The following RGS6 variants were observed in gnomAD, a reference collection of about 807,000 sequenced individuals.
RGS6 encodes the protein regulator of G-protein signaling 6.
In RGS6, 30 loss-of-function variants were observed where a neutral mutation model predicts 78.5. That is an observed-to-expected ratio of 0.38 (90% CI 0.29 to 0.52). The LOEUF is 0.52. Ranked by LOEUF, RGS6 falls within the 20% of genes least tolerant of loss-of-function variation. The pLI, the probability that RGS6 is intolerant of heterozygous loss-of-function variation, is 0.85. For synonymous variants in RGS6, 206 were observed against 206.0 expected, an observed-to-expected ratio of 1.00 and a Z score of 0.00; for missense variants, 495 against 609.7, an observed-to-expected ratio of 0.81 and a Z score of 1.98.
rs555009030 is a variant in RGS6, at chr14:72,284,404, T to A, written c.85-67691T>A. On this transcript the variant is annotated intron_variant, in intron 2 of 17. Transcript: ENST00000553525. Reference sequence around the variant, plus strand: ...CAGCTTAGGGACTTGGTGCCCGGCATCCTAGCCATTTTAGCCATGGCTAAA... The same window carrying A: ...CAGCTTAGGGACTTGGTGCCCGGCAACCTAGCCATTTTAGCCATGGCTAAA... Among the ~76,000 whole-genome samples, 10 of 152,316 alleles carry A rather than the reference T, an allele frequency of 6.6e-5. No homozygotes were observed. In the South Asian group the frequency reaches 2.1e-3, roughly 32 times the overall value.
chr14:72,016,444 C>G (rs1243259426), intron 2 of RGS6, among the ~76,000 whole-genome samples: 1 of 152,186 alleles, frequency 6.6e-6, no homozygotes, highest in Non-Finnish European at 1.5e-5. Context: ...CAGCTCACTG[C>G]AAGTGCTGCC....
chr14:71,886,974 AC>A, the RGS6 span, among the ~76,000 whole-genome samples: 1 of 152,086 alleles, frequency 6.6e-6, no homozygotes, highest in Admixed American at 6.5e-5. Context: ...ACATGGTGAA[AC>A]CCCATCTCTA....
intron 2 of RGS6, among the ~76,000 whole-genome samples, chr14:72,252,005 A>G (rs1047072202): frequency 6.6e-6 from 1 of 152,240 alleles, no homozygotes; most frequent in Non-Finnish European, 1.5e-5. Context: ...TTTATTCCCT[A>G]GATGAGCTAT....
intron 1 of RGS6, among the ~76,000 whole-genome samples, chr14:71,949,056 C>A (rs909553114): frequency 9.2e-5 from 14 of 152,076 alleles, no homozygotes; most frequent in African/African-American, 3.4e-4. Flanking sequence ...ATTCCACAAA[C>A]TATTCATCTA....
intron 1 of RGS6, among the ~76,000 whole-genome samples, chr14:71,961,441 C>G (rs368177142): frequency 2.7e-4 from 41 of 152,110 alleles, no homozygotes; most frequent in African/African-American, 9.2e-4. Flanking sequence ...ACCAGGACTC[C>G]TAGTTCAGAG....
chr14:72,535,440 A>G (rs1267986774), intron 15 of RGS6, among the ~76,000 whole-genome samples: 1 of 152,212 alleles, frequency 6.6e-6, no homozygotes, highest in African/African-American at 2.4e-5. Context: ...AGTTATAAGA[A>G]ATACTGTGCT....
At position 71,948,738 on chromosome 14, in the gene RGS6, C is replaced by CTTTTTTTTTTT. The variant is rs766352167; in HGVS notation, c.-21+15798_-21+15799insTTTTTTTTTTT. Among the ~76,000 whole-genome samples the CTTTTTTTTTTT allele has an allele frequency of 8.5e-4, 64 of 75,210 alleles. 10 individuals are homozygous for CTTTTTTTTTTT. Among genetic ancestry groups the CTTTTTTTTTTT allele is most frequent in the East Asian group, 4.7e-3 (10 of 2,128 alleles). 49.3% of individuals were successfully genotyped at this position (75,210 alleles called of 152,430 possible). ...AAGCTGATTTCCTTTCTCTCTCTCT[C>CTTTTTTTTTTT]TCTTTTTTTTTTTTTTTTTTTTTTT... is the stretch of plus-strand genomic sequence containing the variant. On this transcript the variant is annotated intron_variant, in intron 1 of 17. Coordinates refer to ENST00000553525, the MANE Select transcript of RGS6 (RefSeq NM_001204424.2).
chr14:72,458,484 C>T lies in RGS6; in HGVS notation c.342+107C>T, dbSNP rs1253932718. On this transcript the variant is annotated intron_variant, in intron 5 of 17. Transcript: ENST00000553525. ...TAGGGATATCTGAGGGAGTAGCCCT[C>T]ACTCCTCATCAGCACTGGGAAAGCC... 24 of 804,102 alleles carry T rather than the reference C, an allele frequency of 3.0e-5. No homozygotes were observed. In the East Asian group the frequency reaches 4.8e-4, roughly 16 times the overall value. 49.8% of individuals were successfully genotyped at this position (804,102 alleles called of 1,614,324 possible).
intron 2 of RGS6, among the ~76,000 whole-genome samples, chr14:72,109,130 TTC>T (rs2095697669): frequency 6.6e-6 from 1 of 152,106 alleles, no homozygotes; most frequent in Non-Finnish European, 1.5e-5. Context: ...TACCTGAATC[TTC>T]TCTTTTTTTT....
At chr14:72,329,377 G>T (rs1413787748) in intron 2 of RGS6, among the ~76,000 whole-genome samples, 1 of 152,214 alleles carries the variant, frequency 6.6e-6, no homozygotes, top group Non-Finnish European at 1.5e-5. Flanking sequence ...AGTCTCTTGG[G>T]CCCCTCACAC....
chr14:72,362,335 G>C (rs1044943963), intron 3 of RGS6, among the ~76,000 whole-genome samples: 3 of 152,204 alleles, frequency 2.0e-5, no homozygotes, highest in African/African-American at 7.2e-5. Context: ...CTCTGAGAAG[G>C]TATATCAGTT....
intron 3 of RGS6, among the ~76,000 whole-genome samples, chr14:72,356,220 A>G (rs78533230): frequency 0.032 from 4,940 of 152,158 alleles, 239 homozygotes; most frequent in African/African-American, 0.11. Flanking sequence ...GTGGTAGGTG[A>G]TTAGCTCATG....
intron 1 of RGS6, 92 bp from the exon 2 acceptor site, chr14:71,964,680 C>T (rs2093412399): frequency 1.2e-6 from 1 of 816,402 alleles, no homozygotes; most frequent in African/African-American, 1.7e-5. Context: ...TTGTTCATGG[C>T]ATCTGCCAAA....
In RGS6 at chr14:72,422,089, TC is replaced by T. The variant is rs561411850; in HGVS notation, c.185-32435del. 3.9e-3 allele frequency among the ~76,000 whole-genome samples: 589 copies of T among 152,170 alleles called. 7 individuals carry two copies. Among genetic ancestry groups the T allele is most frequent in the African/African-American group, 0.013 (559 of 41,496 alleles). ...TGATGGTATCATAATGGGGGGAGGT[TC>T]CCCTGCACAAGCTCTCCCTTTGCCT... On this transcript the variant is annotated intron_variant, in intron 3 of 17. Coordinates refer to ENST00000553525, the MANE Select transcript of RGS6 (RefSeq NM_001204424.2).
At chr14:72,444,414 G>T (rs2095305706) in intron 3 of RGS6, among the ~76,000 whole-genome samples, 1 of 152,104 alleles carries the variant, frequency 6.6e-6, no homozygotes, top group Non-Finnish European at 1.5e-5. Flanking sequence ...GTGGCCAAGG[G>T]CTTCCCCGCA....
intron 2 of RGS6, among the ~76,000 whole-genome samples, chr14:71,982,158 G>A (rs10149131): frequency 0.44 from 66,387 of 151,074 alleles, 14,880 homozygotes; most frequent in East Asian, 0.54. Flanking sequence ...CGCATGGTGC[G>A]TGCACCCACT....
At chr14:72,470,895 AAAC>A (rs2096061206) in intron 8 of RGS6, among the ~76,000 whole-genome samples, 1 of 144,790 alleles carries the variant, frequency 6.9e-6, no homozygotes, top group African/African-American at 2.8e-5. Context: ...AAAAAAAAAA[AAAC>A]AAGATTATAG....
At chr14:72,213,369 T>C (rs558069657) in intron 2 of RGS6, among the ~76,000 whole-genome samples, 2 of 152,174 alleles carry the variant, frequency 1.3e-5, no homozygotes, top group African/African-American at 4.8e-5. Flanking sequence ...GTATGTAAGA[T>C]TCACAGAGGA....
At chr14:72,330,790 G>A (rs1567773855) in intron 2 of RGS6, among the ~76,000 whole-genome samples, 1 of 152,050 alleles carries the variant, frequency 6.6e-6, no homozygotes, top group Non-Finnish European at 1.5e-5. Context: ...TCGTAACACT[G>A]GGATGAGGGT....
Sources: gnomAD v4.1 joint callset for allele counts (sites outside exome capture counted in the v4.1 genomes callset) on GRCh38, gnomAD v4.1.1 for gene constraint, MANE v1.5 for transcripts, NCBI Gene and HGNC (gene_info 2026-07-23, HGNC 2026-07-21) for gene names.